Variants in NPAS2 observed in about 807,000 individuals in gnomAD.
NPAS2 encodes neuronal PAS domain-containing protein 2.
A neutral mutation model predicts 107.5 loss-of-function variants in NPAS2; 23 were observed. The ratio of observed to expected loss-of-function variants is 0.21; its 90% CI spans 0.15 to 0.30. The LOEUF (loss-of-function observed/expected upper bound fraction) is 0.30, where lower values mean the gene tolerates loss of function less well. Ranked by LOEUF, NPAS2 falls within the 10% of genes least tolerant of loss-of-function variation. The pLI, the probability that NPAS2 is intolerant of heterozygous loss-of-function variation, is 1.00. For synonymous variants in NPAS2, 403 were observed against 417.5 expected, an observed-to-expected ratio of 0.97 and a Z score of 0.42; for missense variants, 756 against 1,043.3, an observed-to-expected ratio of 0.72 and a Z score of 3.79.
At chr2:100,925,434 G>A (rs1683498676) in intron 3 of NPAS2, 140 bp downstream of exon 3, 15 of 822,560 alleles carry the variant, frequency 1.8e-5, no homozygotes, top group Non-Finnish European at 2.7e-5. Flanking sequence ...CCATTGTAAA[G>A]ACACTCCACC....
chr2:100,946,167 A>G (rs1448520555), intron 5 of NPAS2, among the ~76,000 whole-genome samples: 1 of 152,210 alleles, frequency 6.6e-6, no homozygotes, highest in Non-Finnish European at 1.5e-5. Flanking sequence ...CTGTTTTATC[A>G]GCAGTGGAGG....
chr2:100,897,711 C>T (rs1558851847), intron 1 of NPAS2, among the ~76,000 whole-genome samples: 1 of 152,206 alleles, frequency 6.6e-6, no homozygotes, highest in Non-Finnish European at 1.5e-5. Flanking sequence ...TCACCTTTTC[C>T]TGCACTGCAG....
At chr2:100,982,147 G>A in intron 15 of NPAS2, 84 bp from the exon 16 acceptor site, 1 of 1,513,518 alleles carries the variant, frequency 6.6e-7, no homozygotes, top group Non-Finnish European at 9.1e-7. Context: ...GAAATGAAGT[G>A]TACAGACCGA....
At chr2:100,955,352 C>T (rs1458024530) in intron 7 of NPAS2, among the ~76,000 whole-genome samples, 5 of 152,118 alleles carry the variant, frequency 3.3e-5, no homozygotes, top group South Asian at 2.1e-4. Flanking sequence ...CTTCCTGGGC[C>T]TAGCATGGTC....
chr2:100,913,158 A>G (rs1682657843), intron 2 of NPAS2, among the ~76,000 whole-genome samples: 1 of 152,066 alleles, frequency 6.6e-6, no homozygotes, highest in Non-Finnish European at 1.5e-5. Context: ...TTAGCTCCTC[A>G]CCATAGAGAC....
chr2:100,855,336 A>C (rs568085489), intron 1 of NPAS2, among the ~76,000 whole-genome samples: 1 of 152,204 alleles, frequency 6.6e-6, no homozygotes, highest in African/African-American at 2.4e-5. Context: ...AATTCTCCTA[A>C]CTTGCTTAGC....
At chr2:100,966,371 A>G (rs764532477) in intron 10 of NPAS2, among the ~76,000 whole-genome samples, 2 of 152,116 alleles carry the variant, frequency 1.3e-5, no homozygotes, top group Non-Finnish European at 2.9e-5. Flanking sequence ...TAGCAAATGT[A>G]TGGGGGATGG....
chr2:100,907,882 A>G (rs1682272842), intron 2 of NPAS2, among the ~76,000 whole-genome samples: 1 of 152,172 alleles, frequency 6.6e-6, no homozygotes, highest in African/African-American at 2.4e-5. Flanking sequence ...GGAAGACGCA[A>G]AAATATAGTC....
rs1339146052 is a variant in NPAS2, at chr2:100,820,813, A to G, written c.-23+399A>G. Among the ~76,000 whole-genome samples, 2 of 151,942 alleles carry G rather than the reference A, an allele frequency of 1.3e-5. No homozygotes were observed. The highest frequency in any genetic ancestry group is 2.4e-5 in the African/African-American group (1 of 41,344). On this transcript the variant is annotated intron_variant, in intron 1 of 20. Transcript: ENST00000335681. This position sits in a 1 kb window ranked among gnomAD's most constrained non-coding sequence, Gnocchi z 5.6. ...GGTTGTCTTCGAGACCCATCGCGCT[A>G]CCCTCCGAAACGTCGGGCGTCCTGG...
At chr2:100,967,147 G>C (rs1676262857) in intron 10 of NPAS2, among the ~76,000 whole-genome samples, 1 of 151,854 alleles carries the variant, frequency 6.6e-6, no homozygotes, top group Admixed American at 6.6e-5. Context: ...TCCATGGCTT[G>C]GGCAAGACCT....
chr2:100,927,087 A>G (rs1683622790), intron 3 of NPAS2, among the ~76,000 whole-genome samples: 1 of 151,168 alleles, frequency 6.6e-6, no homozygotes, highest in African/African-American at 2.4e-5. Flanking sequence ...TAGAGGTGCC[A>G]CCACACCCGG....
At position 100,965,481 on chromosome 2, in the gene NPAS2, AAG is replaced by A. The variant is rs1480120785; in HGVS notation, c.801-178_801-177del. On this transcript the variant is annotated intron_variant, in intron 9 of 20. Coordinates refer to ENST00000335681, the MANE Select transcript of NPAS2 (RefSeq NM_002518.4). The surrounding 1 kb of genome is among the most constrained non-coding windows in gnomAD (Gnocchi z 4.3). ...AGGAGTATCTATATGCCAAAAAAAA[AAG>A]CTGAGCCCTTTGGAAAACACAGCCT... Among the ~76,000 whole-genome samples the A allele has an allele frequency of 2.0e-5, 3 of 152,118 alleles. No individual in the cohort carries two copies. The highest frequency in any genetic ancestry group is 7.2e-5 in the African/African-American group (3 of 41,420).
intron 1 of NPAS2, among the ~76,000 whole-genome samples, chr2:100,824,799 G>A (rs1676274689): frequency 6.6e-6 from 1 of 152,126 alleles, no homozygotes. Context: ...TTGCAAAGGC[G>A]ATTTCTCTGC....
At chr2:100,925,083 G>A in intron 2 of NPAS2, 63 bp from the exon 3 acceptor site, 2 of 1,527,422 alleles carry the variant, frequency 1.3e-6, no homozygotes, top group Non-Finnish European at 1.8e-6. Context: ...AAGTGCTTTT[G>A]TTTCATCACA....
chr2:100,975,020 C>T (rs1676879552), intron 13 of NPAS2, 76 bp downstream of exon 13: 1 of 1,532,468 alleles, frequency 6.5e-7, no homozygotes, highest in South Asian at 1.2e-5. Flanking sequence ...GGGTCCCGGG[C>T]CCAAGTGGAA....
intron 7 of NPAS2, among the ~76,000 whole-genome samples, chr2:100,954,859 GT>G (rs201270741): frequency 1.5e-5 from 2 of 133,398 alleles, no homozygotes; most frequent in Admixed American, 1.6e-4. Context: ...TCATTTTTTT[GT>G]TTTTTTTGTT....
At chr2:100,893,897 G>C (rs1057513601) in intron 1 of NPAS2, among the ~76,000 whole-genome samples, 1 of 152,178 alleles carries the variant, frequency 6.6e-6, no homozygotes, top group African/African-American at 2.4e-5. Flanking sequence ...TGGAGAAAAG[G>C]GTTGCTACCT....
intron 2 of NPAS2, among the ~76,000 whole-genome samples, chr2:100,909,522 A>G (rs1370378004): frequency 6.6e-6 from 1 of 152,216 alleles, no homozygotes; most frequent in Non-Finnish European, 1.5e-5. Context: ...AGCCCCATGC[A>G]CACTTGCAGA....
At chr2:100,839,624 A>C (rs900724729) in intron 1 of NPAS2, among the ~76,000 whole-genome samples, 13 of 152,278 alleles carry the variant, frequency 8.5e-5, no homozygotes, top group African/African-American at 3.1e-4. Flanking sequence ...TAGGTTATTC[A>C]TAGTTAAGTT....
Sources: gnomAD v4.1 joint callset for allele counts (sites outside exome capture counted in the v4.1 genomes callset) on GRCh38, gnomAD v4.1.1 for gene constraint, Gnocchi (gnomAD v3.1) non-coding constraint, MANE v1.5 for transcripts, NCBI Gene and HGNC (gene_info 2026-07-23, HGNC 2026-07-21) for gene names.